SPATA21: variants seen among roughly 807,000 people sequenced by gnomAD.
SPATA21 encodes the protein spermatogenesis-associated protein 21.
Under a neutral mutation model 54.8 loss-of-function variants are expected in SPATA21, and 47 were observed. The observed-to-expected ratio is 0.86, with a 90% CI of 0.68 to 1.09. The LOEUF is 1.09. SPATA21 is among the 50% of genes least tolerant of loss of function. The pLI is 0.00. For synonymous variants in SPATA21, 245 were observed against 235.3 expected, an observed-to-expected ratio of 1.04 and a Z score of -0.38; for missense variants, 599 against 596.4, an observed-to-expected ratio of 1.00 and a Z score of -0.05.
At chr1:16,407,216 A>G (rs1489823228) in intron 7 of SPATA21, among the ~76,000 whole-genome samples, 2 of 152,204 alleles carry the variant, frequency 1.3e-5, no homozygotes, top group African/African-American at 4.8e-5. Flanking sequence ...GCGCAGGCAC[A>G]CCACAGAAGG....
chr1:16,431,624 C>G (rs1293635706), intron 2 of SPATA21, among the ~76,000 whole-genome samples: 3 of 152,090 alleles, frequency 2.0e-5, no homozygotes, highest in Non-Finnish European at 2.9e-5. Flanking sequence ...TCACTATGAC[C>G]CTGAGGAAAA....
At chr1:16,425,988 A>G (rs2100880675) in intron 3 of SPATA21, among the ~76,000 whole-genome samples, 1 of 152,156 alleles carries the variant, frequency 6.6e-6, no homozygotes, top group African/African-American at 2.4e-5. Flanking sequence ...GGCTCAAGCA[A>G]TCTTCGACCT....
Position 16,409,134 on chromosome 1 carries a change from G to T in SPATA21, c.657C>A (p.Thr219=), listed in dbSNP as rs567174619. 103 of 1,613,962 alleles carry T rather than the reference G, an allele frequency of 6.4e-5. No individual in the cohort carries two copies. The highest frequency in any genetic ancestry group is 8.0e-5 in the Non-Finnish European group (94 of 1,179,958). ...TGCCCTCACCTTCCTCTTGCTTCAG[G>T]GTCAGTTGCTCCTCGGACTTCTCCC... ...QNREKSEEQL[T]LKQEEAFRSY... The change falls in exon 7 of 13, where the codon ACC becomes ACA. Residue 219 remains threonine (T), a synonymous_variant. Transcript: ENST00000335496. This position sits in a 1 kb window ranked among gnomAD's most constrained non-coding sequence, Gnocchi z 4.1.
chr1:16,400,999 G>A, intron 10 of SPATA21, 107 bp from the exon 11 acceptor site: 1 of 1,375,708 alleles, frequency 7.3e-7, no homozygotes, highest in Non-Finnish European at 9.8e-7. Flanking sequence ...CACAAGCCTA[G>A]GAGTCAGGAA....
chr1:16,423,539 C>CTTTT (rs966239575), intron 3 of SPATA21, among the ~76,000 whole-genome samples: 53 of 111,658 alleles, frequency 4.7e-4, no homozygotes, highest in Non-Finnish European at 8.5e-4. Context: ...TCTCTCTCTC[C>CTTTT]TTTTTTTTTT....
chr1:16,424,063 T>C (rs940741571), intron 3 of SPATA21, among the ~76,000 whole-genome samples: 1 of 151,256 alleles, frequency 6.6e-6, no homozygotes, highest in Non-Finnish European at 1.5e-5. Context: ...GGGATGGTTT[T>C]GTGGGTGTGT....
In SPATA21 at chr1:16,428,533, G is replaced by C. The variant is rs1461426294; in HGVS notation, c.34+2805C>G. On this transcript the variant is annotated intron_variant, in intron 3 of 12. Transcript: ENST00000335496. This position sits in a 1 kb window ranked among gnomAD's most constrained non-coding sequence, Gnocchi z 4.3. The stretch of plus-strand genomic sequence containing the variant: ...GCTTCCCGAGTAGGTGGGATTACAG[G>C]TGTGCGCCACCATGCCCAACTAATT... Among the ~76,000 whole-genome samples, 1 of 152,062 alleles carries C rather than the reference G, an allele frequency of 6.6e-6. No individual in the cohort carries two copies. The highest frequency in any genetic ancestry group is 2.4e-5 in the African/African-American group (1 of 41,414).
intron 3 of SPATA21, chr1:16,425,709 G>C: frequency 6.5e-7 from 1 of 1,549,418 alleles, no homozygotes. Flanking sequence ...CCTTCCTGGG[G>C]GACCCAAGAG....
intron 5 of SPATA21, among the ~76,000 whole-genome samples, chr1:16,415,849 C>T (rs1187243763): frequency 2.0e-5 from 3 of 152,184 alleles, no homozygotes; most frequent in Admixed American, 2.0e-4. Flanking sequence ...TGAGCCACCA[C>T]ACCCGGCCAA....
chr1:16,426,584 T>A (rs936740148), intron 3 of SPATA21, among the ~76,000 whole-genome samples: 6,125 of 130,538 alleles, frequency 0.047, 133 homozygotes, highest in Middle Eastern at 0.082. Context: ...TATATATTTT[T>A]TTTTTTTTTT....
intron 7 of SPATA21, 118 bp from the exon 8 acceptor site, chr1:16,405,222 C>A: frequency 7.1e-7 from 1 of 1,411,348 alleles, no homozygotes. Context: ...AATAAAATTG[C>A]TGGGTGCGTT....
intron 5 of SPATA21, among the ~76,000 whole-genome samples, chr1:16,416,912 G>C (rs905940807): frequency 6.6e-6 from 1 of 152,176 alleles, no homozygotes; most frequent in African/African-American, 2.4e-5. Flanking sequence ...GTCCCAGACA[G>C]CTTTCCTGAG....
chr1:16,419,700 G>A (rs1178055165), intron 5 of SPATA21, among the ~76,000 whole-genome samples: 1 of 152,246 alleles, frequency 6.6e-6, no homozygotes, highest in Non-Finnish European at 1.5e-5. Context: ...AGCAGTTTGG[G>A]AGGCTGAGGC....
chr1:16,431,203 T>C (rs746803107), intron 3 of SPATA21, 135 bp downstream of exon 3: 3 of 1,559,800 alleles, frequency 1.9e-6, no homozygotes, highest in Non-Finnish European at 1.7e-6. Flanking sequence ...AGGTGCCAGC[T>C]AGGAGTGAAT....
At chr1:16,406,466 G>A (rs2085644028) in intron 7 of SPATA21, among the ~76,000 whole-genome samples, 1 of 152,194 alleles carries the variant, frequency 6.6e-6, no homozygotes, top group Non-Finnish European at 1.5e-5. Flanking sequence ...ATTTGGGCTA[G>A]GTGCGATGGC....
At chr1:16,424,628 G>C (rs2086272583) in intron 3 of SPATA21, among the ~76,000 whole-genome samples, 1 of 151,756 alleles carries the variant, frequency 6.6e-6, no homozygotes, top group Non-Finnish European at 1.5e-5. Flanking sequence ...ATGTTGCCCT[G>C]ATCTCAAACT....
intron 2 of SPATA21, among the ~76,000 whole-genome samples, chr1:16,432,417 T>C (rs894062210): frequency 1.3e-5 from 2 of 152,062 alleles, no homozygotes; most frequent in African/African-American, 2.4e-5. Context: ...CCACTGCACC[T>C]GGCCATTTCT....
intron 2 of SPATA21, 136 bp downstream of exon 2, chr1:16,432,654 C>T (rs943336243): frequency 6.6e-6 from 1 of 152,446 alleles, no homozygotes; most frequent in African/African-American, 2.4e-5. Flanking sequence ...TCAGCTCTCT[C>T]TCCAGCCACT....
intron 2 of SPATA21, among the ~76,000 whole-genome samples, chr1:16,432,096 T>TCTTCTTCTTCTTCTTCTTCTTCTTC (rs1557675648): frequency 1.3e-4 from 20 of 148,276 alleles, no homozygotes; most frequent in African/African-American, 5.0e-4. Flanking sequence ...TTCTTTTTCT[T>TCTTCTTCTTCTTCTTCTTCTTCTTC]TTCTTCTTCT....
Sources: gnomAD v4.1 joint callset for allele counts (sites outside exome capture counted in the v4.1 genomes callset) on GRCh38, gnomAD v4.1.1 for gene constraint, Gnocchi (gnomAD v3.1) non-coding constraint, MANE v1.5 for transcripts, NCBI Gene and HGNC (gene_info 2026-07-23, HGNC 2026-07-21) for gene names.